Variants in RABGAP1L observed in about 807,000 individuals in gnomAD.
The protein encoded by RABGAP1L is RAB GTPase activating protein 1 like.
A neutral mutation model predicts 137.7 loss-of-function variants in RABGAP1L; 63 were observed. That is an observed-to-expected ratio of 0.46 (90% CI 0.37 to 0.56). The LOEUF (loss-of-function observed/expected upper bound fraction) is 0.56, where lower values mean the gene tolerates loss of function less well. Among genes scored for constraint, RABGAP1L ranks in the 20% least tolerant of loss-of-function variants. The pLI is 0.00. For synonymous variants in RABGAP1L, 431 were observed against 433.7 expected, an observed-to-expected ratio of 0.99 and a Z score of 0.08; for missense variants, 1,095 against 1,244.0, an observed-to-expected ratio of 0.88 and a Z score of 1.80.
intron 13 of RABGAP1L, among the ~76,000 whole-genome samples, chr1:174,595,926 T>G (rs56189445): frequency 0.083 from 7,431 of 89,256 alleles, 1,160 homozygotes; most frequent in African/African-American, 0.39. Flanking sequence ...AAGCAAGCCT[T>G]GGCAATGGCG....
intron 11 of RABGAP1L, among the ~76,000 whole-genome samples, chr1:174,356,522 C>G (rs1683653514): frequency 6.6e-6 from 1 of 151,844 alleles, no homozygotes; most frequent in African/African-American, 2.4e-5. Flanking sequence ...AATACTGATT[C>G]TGAAAATTTC....
At chr1:174,429,643 G>A (rs1322022381) in intron 13 of RABGAP1L, among the ~76,000 whole-genome samples, 7 of 152,100 alleles carry the variant, frequency 4.6e-5, no homozygotes, top group African/African-American at 1.7e-4. Context: ...GGAGGCTGAG[G>A]CAGGAGAATC....
At chr1:174,770,493 A>G (rs1327887471) in intron 18 of RABGAP1L, among the ~76,000 whole-genome samples, 9 of 152,226 alleles carry the variant, frequency 5.9e-5, no homozygotes, top group African/African-American at 2.2e-4. Flanking sequence ...ACAATCCAAA[A>G]TATCAAGAAG....
intron 13 of RABGAP1L, among the ~76,000 whole-genome samples, chr1:174,453,358 T>G (rs1255411887): frequency 6.6e-6 from 1 of 152,216 alleles, no homozygotes; most frequent in East Asian, 1.9e-4. Context: ...GCTCCATAGA[T>G]AACATAAATT....
At chr1:174,292,841 T>G (rs1345335394) in intron 10 of RABGAP1L, among the ~76,000 whole-genome samples, 1 of 152,190 alleles carries the variant, frequency 6.6e-6, no homozygotes, top group African/African-American at 2.4e-5. Context: ...GCAACAGTAG[T>G]AATAGCCACT....
At chr1:174,980,887 G>A (rs1210128346) in intron 23 of RABGAP1L, among the ~76,000 whole-genome samples, 4 of 150,438 alleles carry the variant, frequency 2.7e-5, no homozygotes, top group Non-Finnish European at 3.0e-5. Context: ...AGAAAAGGGA[G>A]ACACAAAAGA....
intron 19 of RABGAP1L, among the ~76,000 whole-genome samples, chr1:174,827,545 TG>T (rs1262511968): frequency 6.8e-6 from 1 of 148,062 alleles, no homozygotes; most frequent in Non-Finnish European, 1.5e-5. Flanking sequence ...CATTCTCTTC[TG>T]AACGTGAATC....
chr1:174,485,913 A>C (rs1436831280), intron 13 of RABGAP1L, among the ~76,000 whole-genome samples: 1 of 152,018 alleles, frequency 6.6e-6, no homozygotes, highest in African/African-American at 2.4e-5. Context: ...ATTCAGATTG[A>C]TATTATTTCT....
intron 11 of RABGAP1L, among the ~76,000 whole-genome samples, chr1:174,332,240 A>G (rs1450678606): frequency 6.6e-6 from 1 of 152,206 alleles, no homozygotes; most frequent in African/African-American, 2.4e-5. Context: ...CAAATGTGTA[A>G]TTCAGGCTGT....
At chr1:174,536,828 T>C (rs2147914378) in intron 13 of RABGAP1L, among the ~76,000 whole-genome samples, 1 of 152,296 alleles carries the variant, frequency 6.6e-6, no homozygotes, top group East Asian at 1.9e-4. Context: ...ATTTTTACCT[T>C]AGACCTTTTA....
chr1:174,519,882 C>T (rs2147841379), intron 13 of RABGAP1L, among the ~76,000 whole-genome samples: 1 of 152,332 alleles, frequency 6.6e-6, no homozygotes, highest in East Asian at 1.9e-4. Flanking sequence ...TTTAGTCTCT[C>T]AGCCCCATTG....
intron 13 of RABGAP1L, among the ~76,000 whole-genome samples, chr1:174,506,906 C>T (rs936658909): frequency 4.6e-5 from 7 of 152,034 alleles, no homozygotes; most frequent in East Asian, 3.9e-4. Flanking sequence ...CTCAGAAGTT[C>T]GAGTCCACCC....
intron 13 of RABGAP1L, among the ~76,000 whole-genome samples, chr1:174,506,838 A>G (rs1387183444): frequency 6.6e-6 from 1 of 152,108 alleles, no homozygotes; most frequent in Non-Finnish European, 1.5e-5. Flanking sequence ...AGTAATAAAA[A>G]AAACTCACAC....
intron 19 of RABGAP1L, chr1:174,945,479 C>T (rs994447319): frequency 5.3e-5 from 8 of 152,040 alleles, no homozygotes; most frequent in Non-Finnish European, 1.2e-4. Context: ...GGAAAAGAAT[C>T]AGAATTTGCA....
At chr1:174,987,860 A>G (rs1215024573) in intron 24 of RABGAP1L, among the ~76,000 whole-genome samples, 1 of 152,092 alleles carries the variant, frequency 6.6e-6, no homozygotes, top group Non-Finnish European at 1.5e-5. Flanking sequence ...CCCAGGCTGG[A>G]GTGCAGTGGC....
chr1:174,938,850 A>G lies in RABGAP1L; in HGVS notation c.2341-18607A>G, dbSNP rs552975116. On this transcript the variant is annotated intron_variant, in intron 19 of 25. Coordinates refer to ENST00000681986, the MANE Select transcript of RABGAP1L (RefSeq NM_001366446.1). ...GCATAGAAGGGAAGTGAGGGTTGAA[A>G]TACACATTTTCCCATACCATATTTT... 1.2e-3 allele frequency among the ~76,000 whole-genome samples: 185 copies of G among 152,324 alleles called. 1 individual carries two copies. Among genetic ancestry groups the G allele is most frequent in the African/African-American group, 4.4e-3 (184 of 41,570 alleles).
At chr1:174,689,365 A>G (rs908510010) in intron 15 of RABGAP1L, among the ~76,000 whole-genome samples, 1 of 151,698 alleles carries the variant, frequency 6.6e-6, no homozygotes, top group Non-Finnish European at 1.5e-5. Context: ...TATGTTAAGT[A>G]TTTGTGGCAT....
At chr1:174,380,198 T>C (rs950247614) in intron 12 of RABGAP1L, among the ~76,000 whole-genome samples, 5 of 151,692 alleles carry the variant, frequency 3.3e-5, no homozygotes, top group African/African-American at 1.2e-4. Flanking sequence ...GCCAGTATTT[T>C]ATTGAGGATT....
Position 174,359,930 on chromosome 1 carries a change from G to A in RABGAP1L, c.1466-11049G>A, listed in dbSNP as rs542152212. 2.6e-5 allele frequency among the ~76,000 whole-genome samples: 4 copies of A among 152,292 alleles called. No homozygotes were observed. In the South Asian group the frequency reaches 8.3e-4, roughly 32 times the overall value. On this transcript the variant is annotated intron_variant, in intron 11 of 25. Coordinates refer to ENST00000681986, the MANE Select transcript of RABGAP1L (RefSeq NM_001366446.1). ...GGAAGACATTTCATAAGTGCCTGGGGTTCCCAGCCTCTTTGGCCAAGTACT... is the reference window on the plus strand; with the variant it reads ...GGAAGACATTTCATAAGTGCCTGGGATTCCCAGCCTCTTTGGCCAAGTACT...
Sources: allele counts gnomAD v4.1 joint callset (sites outside exome capture counted in the v4.1 genomes callset), GRCh38; gene constraint gnomAD v4.1.1; transcripts MANE v1.5; gene names NCBI Gene and HGNC (gene_info 2026-07-23, HGNC 2026-07-21).